KCNQ1: variants seen among roughly 807,000 people sequenced by gnomAD.
The protein encoded by KCNQ1 is potassium voltage-gated channel subfamily KQT member 1.
Under a neutral mutation model 72.4 loss-of-function variants are expected in KCNQ1, and 49 were observed. The observed-to-expected ratio is 0.68, with a 90% confidence interval of 0.54 to 0.86. The LOEUF (loss-of-function observed/expected upper bound fraction) is 0.86. Among genes scored for constraint, KCNQ1 ranks in the 40% least tolerant of loss-of-function variants. The probability of loss-of-function intolerance (pLI) is 0.00; values close to 1 mark genes in which losing one functional copy is unlikely to be tolerated. For synonymous variants in KCNQ1, 450 were observed against 412.6 expected, an observed-to-expected ratio of 1.09 and a Z score of -1.10; for missense variants, 790 against 945.1, an observed-to-expected ratio of 0.84 and a Z score of 2.15.
Position 2,764,093 on chromosome 11 carries a change from A to G in KCNQ1, c.1515-4751A>G, listed in dbSNP as rs1846455039. Among the ~76,000 whole-genome samples, 1 of 152,210 alleles carries G rather than the reference A, an allele frequency of 6.6e-6. No individual in the cohort carries two copies. Among genetic ancestry groups the G allele is most frequent in the African/African-American group, 2.4e-5 (1 of 41,446 alleles). On this transcript the variant is annotated intron_variant, in intron 11 of 15. Transcript: ENST00000155840. The surrounding 1 kb of genome is among the most constrained non-coding windows in gnomAD (Gnocchi z 4.8). Reference sequence around the variant, plus strand: ...TTCTGGACAATGTGAAATAGAAACGATAACATCCTTGCCTTGCTTCCTGTC... The same window carrying G: ...TTCTGGACAATGTGAAATAGAAACGGTAACATCCTTGCCTTGCTTCCTGTC...
At position 2,464,636 on chromosome 11, in the gene KCNQ1, G is replaced by T. The variant is rs73419509; in HGVS notation, c.386+19152G>T. 1.3e-5 allele frequency among the ~76,000 whole-genome samples: 2 copies of T among 152,108 alleles called. No individual in the cohort carries two copies. Among genetic ancestry groups the T allele is most frequent in the African/African-American group, 2.4e-5 (1 of 41,394 alleles). ...GGGGAGGCCTGGGGGACAGGAGTTG[G>T]GGGGGTGGGCAGTGCCTCTGTGTGG... On this transcript the variant is annotated intron_variant, in intron 1 of 15. Transcript: ENST00000155840. The surrounding 1 kb of genome is among the most constrained non-coding windows in gnomAD (Gnocchi z 5.0).
intron 11 of KCNQ1, among the ~76,000 whole-genome samples, chr11:2,747,101 C>A (rs1846153137): frequency 6.6e-6 from 1 of 152,194 alleles, no homozygotes; most frequent in African/African-American, 2.4e-5. Context: ...CACATCCGAG[C>A]CCAGCCTGGC....
At chr11:2,776,559 T>G (rs948350478) in intron 13 of KCNQ1, among the ~76,000 whole-genome samples, 3 of 152,174 alleles carry the variant, frequency 2.0e-5, no homozygotes, top group Non-Finnish European at 4.4e-5. Flanking sequence ...CCCATGGAGC[T>G]AGCACCATCC....
chr11:2,521,303 G>A (rs900338328), intron 1 of KCNQ1, among the ~76,000 whole-genome samples: 6 of 152,078 alleles, frequency 3.9e-5, no homozygotes, highest in Admixed American at 3.3e-4. Context: ...CCTCGGCCCC[G>A]CTGTCCGCTT....
At chr11:2,840,778 C>T (rs910642537) in intron 15 of KCNQ1, among the ~76,000 whole-genome samples, 8 of 152,198 alleles carry the variant, frequency 5.3e-5, no homozygotes, top group African/African-American at 1.2e-4. Flanking sequence ...AATCAATGAA[C>T]GTGAAAAGGC....
chr11:2,813,786 A>G lies in KCNQ1; in HGVS notation c.1795-33981A>G, dbSNP rs757936048. ...TTGTGGAAAGAATGAGGGCGGGCAC[A>G]TAGGCCTGGGGTGTGGGGAGCATTA... On this transcript the variant is annotated intron_variant, in intron 15 of 15. Coordinates refer to ENST00000155840, the MANE Select transcript of KCNQ1 (RefSeq NM_000218.3). This position sits in a 1 kb window ranked among gnomAD's most constrained non-coding sequence, Gnocchi z 4.4. Among the ~76,000 whole-genome samples, 4 of 151,970 alleles carry G rather than the reference A, an allele frequency of 2.6e-5. No homozygotes were observed. The highest frequency in any genetic ancestry group is 2.1e-4 in the South Asian group (1 of 4,820).
In KCNQ1 at chr11:2,669,109, G is replaced by A. The variant is rs954316103; in HGVS notation, c.1514+7028G>A. The stretch of plus-strand genomic sequence containing the variant: ...TCTTTACAATCAGCTCACTGGCTAC[G>A]TGTGGCTCTGTTTCTGGACCCTATT... On this transcript the variant is annotated intron_variant, in intron 11 of 15. Transcript: ENST00000155840. The surrounding 1 kb of genome is among the most constrained non-coding windows in gnomAD (Gnocchi z 5.6). 2.3e-4 allele frequency: 93 copies of A among 398,560 alleles called. No homozygotes were observed. The highest frequency in any genetic ancestry group is 2.6e-4 in the Admixed American group (6 of 22,714). The allele number at this position is 398,560 out of a possible 1,614,324, so 24.7% of individuals were successfully genotyped here.
At chr11:2,838,595 G>A (rs1350715155) in intron 15 of KCNQ1, among the ~76,000 whole-genome samples, 1 of 152,138 alleles carries the variant, frequency 6.6e-6, no homozygotes, top group African/African-American at 2.4e-5. Context: ...AGGGGCTGGT[G>A]CGCTCAGAGG....
chr11:2,667,596 C>T (rs1332635008), intron 11 of KCNQ1: 21 of 79,634 alleles, frequency 2.6e-4, no homozygotes, highest in South Asian at 8.6e-4. Flanking sequence ...CGGGGTTGGG[C>T]GGGGGGCACA....
At chr11:2,835,085 C>T (rs365997) in intron 15 of KCNQ1, among the ~76,000 whole-genome samples, 1 of 152,044 alleles carries the variant, frequency 6.6e-6, no homozygotes, top group South Asian at 2.1e-4. Context: ...GGTGCAGGCC[C>T]GGGGGCTGGG....
rs75082082 is a variant in KCNQ1, at chr11:2,488,401, A to G, written c.387-39527A>G. Among the ~76,000 whole-genome samples, 4,014 of 152,190 alleles carry G rather than the reference A, an allele frequency of 0.026. 188 individuals are homozygous for G. The highest frequency in any genetic ancestry group is 0.093 in the African/African-American group (3,841 of 41,494). On this transcript the variant is annotated intron_variant, in intron 1 of 15. Transcript: ENST00000155840. This position sits in a 1 kb window ranked among gnomAD's most constrained non-coding sequence, Gnocchi z 5.1. ...GTTAGAAACCTTTCCCCTCCTCTTT[A>G]ATTTTTTGGGAAAGATTGAGAAGGA... is the stretch of plus-strand genomic sequence containing the variant.
In KCNQ1 at chr11:2,544,384, GCA is replaced by G. The variant is rs1451130053; in HGVS notation, c.477+16367_477+16368del. On this transcript the variant is annotated intron_variant, in intron 2 of 15. Transcript: ENST00000155840. This position sits in a 1 kb window ranked among gnomAD's most constrained non-coding sequence, Gnocchi z 4.4. ...TATATATATGTGTATATATATGTGT[GCA>G]TATATGTGTATATATGTGTGTGTAT... 2.0e-4 allele frequency among the ~76,000 whole-genome samples: 18 copies of G among 92,090 alleles called. No individual in the cohort carries two copies. Among genetic ancestry groups the G allele is most frequent in the East Asian group, 4.0e-4 (1 of 2,474 alleles). The allele number at this position is 92,090 out of a possible 152,430, so 60.4% of individuals were successfully genotyped here. A position where few individuals can be genotyped will look rare whatever the true frequency, so the allele number is the denominator to read the frequency against.
intron 10 of KCNQ1, chr11:2,643,677 T>C (rs1282877130): frequency 5.0e-6 from 2 of 398,432 alleles, no homozygotes; most frequent in Non-Finnish European, 8.8e-6. Flanking sequence ...GAGGGCTTAT[T>C]CCTGTCATTA....
At chr11:2,730,078 C>T (rs1428785790) in intron 11 of KCNQ1, among the ~76,000 whole-genome samples, 2 of 151,996 alleles carry the variant, frequency 1.3e-5, no homozygotes, top group Non-Finnish European at 2.9e-5. Context: ...TGGCTGGCCC[C>T]GAGTGCGGTG....
chr11:2,596,462 A>AT (rs1232599152), intron 10 of KCNQ1, among the ~76,000 whole-genome samples: 1 of 152,158 alleles, frequency 6.6e-6, no homozygotes, highest in Non-Finnish European at 1.5e-5. Flanking sequence ...ATTTGAATAG[A>AT]TTTTTTTCAA....
Position 2,544,678 on chromosome 11 carries a change from C to G in KCNQ1, c.477+16660C>G, listed in dbSNP as rs1333909152. 5.3e-5 allele frequency among the ~76,000 whole-genome samples: 8 copies of G among 152,184 alleles called. No homozygotes were observed. The highest frequency in any genetic ancestry group is 5.2e-4 in the Admixed American group (8 of 15,286). On this transcript the variant is annotated intron_variant, in intron 2 of 15. Coordinates refer to ENST00000155840, the MANE Select transcript of KCNQ1 (RefSeq NM_000218.3). The surrounding 1 kb of genome is among the most constrained non-coding windows in gnomAD (Gnocchi z 4.4). The stretch of plus-strand genomic sequence containing the variant: ...ATTTATCTTGAATCTTGCAACCTTT[C>G]TAAACTCATTTGTTCCAGTGGCTTT...
chr11:2,830,011 A>G lies in KCNQ1; in HGVS notation c.1795-17756A>G, dbSNP rs1276359854. ...GAGGAAGGAAGAGGGAGGAGGAAGG[A>G]GGAGGAAGGAGGAGGAAGGAGGAGG... On this transcript the variant is annotated intron_variant, in intron 15 of 15. Transcript: ENST00000155840. The surrounding 1 kb of genome is among the most constrained non-coding windows in gnomAD (Gnocchi z 7.7). Among the ~76,000 whole-genome samples the G allele has an allele frequency of 2.9e-4, 31 of 106,228 alleles. No individual in the cohort carries two copies. The highest frequency in any genetic ancestry group is 1.1e-3 in the African/African-American group (29 of 26,386). 69.7% of individuals were successfully genotyped at this position (106,228 alleles called of 152,430 possible).
rs774112666 is a variant in KCNQ1, at chr11:2,627,701, T to C, written c.1394-34260T>C. 2.0e-5 allele frequency: 8 copies of C among 398,462 alleles called. No individual in the cohort carries two copies. The highest frequency in any genetic ancestry group is 8.2e-5 in the African/African-American group (4 of 48,608). 24.7% of individuals were successfully genotyped at this position (398,462 alleles called of 1,614,324 possible). On this transcript the variant is annotated intron_variant, in intron 10 of 15. Transcript: ENST00000155840. This position sits in a 1 kb window ranked among gnomAD's most constrained non-coding sequence, Gnocchi z 4.9. ...GTGTGTGTGTGTGTCTGTATGTATATGTATGTGATGTGTTTATTTGGGAAT... is the reference window on the plus strand; with the variant it reads ...GTGTGTGTGTGTGTCTGTATGTATACGTATGTGATGTGTTTATTTGGGAAT...
At position 2,559,361 on chromosome 11, in the gene KCNQ1, G is replaced by A. The variant is rs1453082777; in HGVS notation, c.478-11267G>A. On this transcript the variant is annotated intron_variant, in intron 2 of 15. Transcript: ENST00000155840. The surrounding 1 kb of genome is among the most constrained non-coding windows in gnomAD (Gnocchi z 4.9). ...GCACAGGGAGGATCAGGAAAGCCCT[G>A]GATCTTGTTGACACCCCGGGATGTG... Among the ~76,000 whole-genome samples the A allele has an allele frequency of 6.6e-6, 1 of 152,194 alleles. No individual in the cohort carries two copies. The highest frequency in any genetic ancestry group is 1.5e-5 in the Non-Finnish European group (1 of 68,034).
Sources: gnomAD v4.1 joint callset for allele counts (sites outside exome capture counted in the v4.1 genomes callset) on GRCh38, gnomAD v4.1.1 for gene constraint, Gnocchi (gnomAD v3.1) non-coding constraint, MANE v1.5 for transcripts, NCBI Gene and HGNC (gene_info 2026-07-23, HGNC 2026-07-21) for gene names.